CNBD1: variants seen among roughly 807,000 people sequenced by gnomAD.
CNBD1 encodes cyclic nucleotide binding domain containing 1.
CNBD1 carries 71 observed loss-of-function variants against 54.4 expected under a neutral mutation model. That is an observed-to-expected ratio of 1.30 (90% CI 1.08 to 1.59). The LOEUF (loss-of-function observed/expected upper bound fraction) is 1.59, where lower values mean the gene tolerates loss of function less well. CNBD1 is among the 40% of genes most tolerant of loss of function. The pLI, the probability that CNBD1 is intolerant of heterozygous loss-of-function variation, is 0.00. For synonymous variants in CNBD1, 182 were observed against 170.7 expected, an observed-to-expected ratio of 1.07 and a Z score of -0.51; for missense variants, 659 against 518.0, an observed-to-expected ratio of 1.27 and a Z score of -2.64.
At chr8:87,397,795 G>A (rs999347507) in intron 2 of CNBD1, among the ~76,000 whole-genome samples, 6 of 151,954 alleles carry the variant, frequency 3.9e-5, no homozygotes, top group Admixed American at 2.0e-4. Context: ...TTGTGGGAGG[G>A]ACATGGTGGT....
intron 4 of CNBD1, among the ~76,000 whole-genome samples, chr8:87,031,113 C>A (rs78047088): frequency 0.022 from 3,382 of 151,034 alleles, 128 homozygotes; most frequent in African/African-American, 0.079. Flanking sequence ...AAATTAAACA[C>A]GACTTTTCAG....
intron 2 of CNBD1, among the ~76,000 whole-genome samples, chr8:87,394,882 C>T (rs1256262272): frequency 6.6e-6 from 1 of 151,654 alleles, no homozygotes; most frequent in South Asian, 2.1e-4. Context: ...AAAGAAAAGT[C>T]TCTGTTACTA....
At chr8:87,144,166 G>A (rs2130741561) in intron 4 of CNBD1, among the ~76,000 whole-genome samples, 1 of 152,320 alleles carries the variant, frequency 6.6e-6, no homozygotes, top group Admixed American at 6.5e-5. Context: ...GTTAAGCTTG[G>A]AACCTTGAAG....
At chr8:87,347,786 G>C (rs1164786827) in intron 8 of CNBD1, among the ~76,000 whole-genome samples, 1 of 152,100 alleles carries the variant, frequency 6.6e-6, no homozygotes, top group African/African-American at 2.4e-5. Context: ...CTGAGAAGGG[G>C]AGAAAGGGGT....
At chr8:87,313,642 T>C (rs1331613883) in intron 8 of CNBD1, among the ~76,000 whole-genome samples, 1 of 151,914 alleles carries the variant, frequency 6.6e-6, no homozygotes, top group Non-Finnish European at 1.5e-5. Flanking sequence ...AGTGATGTTT[T>C]TTTCTTCTTC....
rs1358562886 is a variant in CNBD1, at chr8:87,379,510, A to G, written c.1304-3110A>G. Reference sequence around the variant, plus strand: ...AGCTCTCCCCAGCAAATGTAAAAGAACAGAATTTATAACAAACTATCTCTT... The same window carrying G: ...AGCTCTCCCCAGCAAATGTAAAAGAGCAGAATTTATAACAAACTATCTCTT... On this transcript the variant is annotated intron_variant, in intron 10 of 10. Transcript: ENST00000518476. Among the ~76,000 whole-genome samples the G allele has an allele frequency of 3.9e-5, 6 of 152,160 alleles. No individual in the cohort carries two copies. In the East Asian group the frequency reaches 5.8e-4, roughly 15 times the overall value.
chr8:87,379,836 A>G (rs1811038291), intron 10 of CNBD1, among the ~76,000 whole-genome samples: 1 of 152,034 alleles, frequency 6.6e-6, no homozygotes, highest in Non-Finnish European at 1.5e-5. Flanking sequence ...ATAAAAACAC[A>G]GGTATAATAC....
rs533259788 is a variant in CNBD1, at chr8:87,420,976, C to A, written c.214-7570C>A. ...CTGATGACTGTTATAGAGACCTAGG[C>A]CAAACACAGGTTGGGAAAGATAAAA... On this transcript the variant is annotated intron_variant, in intron 2 of 7. Transcript: ENST00000521593. Among the ~76,000 whole-genome samples, 16 of 151,926 alleles carry A rather than the reference C, an allele frequency of 1.1e-4. 2 individuals carry two copies. In the South Asian group the frequency reaches 3.3e-3, roughly 32 times the overall value.
chr8:87,226,464 G>A (rs1288461361), intron 5 of CNBD1, among the ~76,000 whole-genome samples: 1 of 148,588 alleles, frequency 6.7e-6, no homozygotes, highest in Non-Finnish European at 1.5e-5. Context: ...TGGTTTCAAA[G>A]AACATCTTTA....
Position 87,195,652 on chromosome 8 carries a change from C to A in CNBD1, c.432-10341C>A, listed in dbSNP as rs111640578. ...GCAATGGTGCAATCTCGGCTCACTG[C>A]GACCTCTGCCTCTTGGATTCCAGCA... is the stretch of plus-strand genomic sequence containing the variant. On this transcript the variant is annotated intron_variant, in intron 4 of 10. Transcript: ENST00000518476. Among the ~76,000 whole-genome samples, 46 of 151,496 alleles carry A rather than the reference C, an allele frequency of 3.0e-4. 1 individual carries two copies. Among genetic ancestry groups the A allele is most frequent in the African/African-American group, 9.5e-4 (39 of 41,242 alleles).
intron 4 of CNBD1, among the ~76,000 whole-genome samples, chr8:87,017,574 T>C (rs897233368): frequency 6.6e-6 from 1 of 152,152 alleles, no homozygotes; most frequent in African/African-American, 2.4e-5. Context: ...TCTTGCTACC[T>C]GATAAGCAAA....
At chr8:87,368,849 A>C (rs1810698461) in intron 10 of CNBD1, among the ~76,000 whole-genome samples, 1 of 151,914 alleles carries the variant, frequency 6.6e-6, no homozygotes, top group African/African-American at 2.4e-5. Flanking sequence ...TTCTGTGCAA[A>C]TCTGCCATAG....
At chr8:87,023,996 G>C (rs1387933839) in intron 4 of CNBD1, among the ~76,000 whole-genome samples, 1 of 152,050 alleles carries the variant, frequency 6.6e-6, no homozygotes, top group African/African-American at 2.4e-5. Context: ...CCAGAACTTT[G>C]GGAGGCCGAG....
At chr8:87,009,783 T>C (rs1457154481) in intron 4 of CNBD1, among the ~76,000 whole-genome samples, 1 of 152,184 alleles carries the variant, frequency 6.6e-6, no homozygotes, top group African/African-American at 2.4e-5. Flanking sequence ...GGTGACAAAT[T>C]CTCTTGGCTT....
chr8:86,899,261 G>A (rs1808896246), intron 2 of CNBD1, among the ~76,000 whole-genome samples: 1 of 151,964 alleles, frequency 6.6e-6, no homozygotes, highest in Admixed American at 6.6e-5. Flanking sequence ...ACGATATGAG[G>A]ATTATAGGTA....
intron 2 of CNBD1, among the ~76,000 whole-genome samples, chr8:87,418,816 A>G (rs553272742): frequency 2.0e-5 from 3 of 152,070 alleles, no homozygotes; most frequent in Admixed American, 6.6e-5. Flanking sequence ...AAAGTTGTGC[A>G]TATGTGAAGA....
chr8:86,871,750 G>A (rs1808446255), intron 1 of CNBD1, among the ~76,000 whole-genome samples: 1 of 152,172 alleles, frequency 6.6e-6, no homozygotes, highest in South Asian at 2.1e-4. Flanking sequence ...CACTGTTAGG[G>A]GTTCCCCTTC....
At chr8:87,093,743 C>T (rs555272100) in intron 4 of CNBD1, among the ~76,000 whole-genome samples, 1 of 152,232 alleles carries the variant, frequency 6.6e-6, no homozygotes, top group African/African-American at 2.4e-5. Flanking sequence ...TCCTAGAGAT[C>T]TCTCAGGGTT....
chr8:87,022,315 A>G (rs1482702268), intron 4 of CNBD1, among the ~76,000 whole-genome samples: 1 of 152,198 alleles, frequency 6.6e-6, no homozygotes, highest in Non-Finnish European at 1.5e-5. Flanking sequence ...ATATTGTGCC[A>G]CTGGGTTTTT....
Sources: allele counts gnomAD v4.1 joint callset (sites outside exome capture counted in the v4.1 genomes callset), GRCh38; gene constraint gnomAD v4.1.1; transcripts MANE v1.5; gene names NCBI Gene and HGNC (gene_info 2026-07-23, HGNC 2026-07-21).